MGAT4C: variants seen among roughly 807,000 people sequenced by gnomAD.
The protein encoded by MGAT4C is MGAT4 family member C, also known as alpha-1,3-mannosyl-glycoprotein 4-beta-N-acetylglucosaminyltransferase C.
MGAT4C carries 19 observed loss-of-function variants against 40.1 expected under a neutral mutation model. The observed-to-expected ratio is 0.47, with a 90% CI of 0.33 to 0.70. MGAT4C has a LOEUF of 0.70. MGAT4C is among the 30% of genes least tolerant of loss of function. The pLI is 0.02. For synonymous variants in MGAT4C, 181 were observed against 187.1 expected, an observed-to-expected ratio of 0.97 and a Z score of 0.27; for missense variants, 491 against 563.2, an observed-to-expected ratio of 0.87 and a Z score of 1.30.
intron 4 of MGAT4C, among the ~76,000 whole-genome samples, chr12:86,288,820 T>TG (rs1375789341): frequency 6.6e-6 from 1 of 151,986 alleles, no homozygotes. Context: ...AGACCTTTGT[T>TG]GGACGCACAG....
At chr12:86,763,282 T>C (rs762396130) in intron 1 of MGAT4C, among the ~76,000 whole-genome samples, 1 of 152,206 alleles carries the variant, frequency 6.6e-6, no homozygotes, top group Non-Finnish European at 1.5e-5. Context: ...CTAATTCATT[T>C]TGCCTTTACA....
At chr12:86,270,567 T>C (rs569161915) in intron 4 of MGAT4C, among the ~76,000 whole-genome samples, 1 of 152,358 alleles carries the variant, frequency 6.6e-6, no homozygotes, top group South Asian at 2.1e-4. Context: ...TTTTCAGGTT[T>C]CATCCATGTT....
At chr12:86,275,504 A>T (rs975746612) in intron 4 of MGAT4C, among the ~76,000 whole-genome samples, 1 of 152,170 alleles carries the variant, frequency 6.6e-6, no homozygotes, top group Non-Finnish European at 1.5e-5. Context: ...GGAACCTGGG[A>T]ATATGTTACC....
intron 2 of MGAT4C, among the ~76,000 whole-genome samples, chr12:86,616,370 C>T (rs1243639825): frequency 6.6e-6 from 1 of 152,080 alleles, no homozygotes; most frequent in African/African-American, 2.4e-5. Context: ...TTAAATCAAT[C>T]TTTTGTTAAA....
intron 3 of MGAT4C, among the ~76,000 whole-genome samples, chr12:86,368,770 TAAATTTATTA>T (rs78782386): frequency 0.084 from 12,842 of 152,100 alleles, 744 homozygotes; most frequent in Middle Eastern, 0.22. Flanking sequence ...TCAATATTCT[TAAATTTATTA>T]AAAGTTATTT....
At chr12:86,807,396 G>A (rs1309378355) in intron 1 of MGAT4C, among the ~76,000 whole-genome samples, 11 of 151,974 alleles carry the variant, frequency 7.2e-5, no homozygotes, top group African/African-American at 1.7e-4. Context: ...CTGTTCCTAC[G>A]TTGGTTTGCT....
chr12:86,833,126 C>T (rs888319394), intron 1 of MGAT4C, among the ~76,000 whole-genome samples: 6 of 151,658 alleles, frequency 4.0e-5, no homozygotes, highest in African/African-American at 1.2e-4. Flanking sequence ...TGCCATAAAA[C>T]GGAAGTTTAG....
intron 2 of MGAT4C, among the ~76,000 whole-genome samples, chr12:86,497,807 T>C (rs1459023216): frequency 6.6e-6 from 1 of 150,424 alleles, no homozygotes; most frequent in South Asian, 2.1e-4. Flanking sequence ...TCACCTTCAA[T>C]TGCTATAGCT....
intron 2 of MGAT4C, among the ~76,000 whole-genome samples, chr12:86,014,916 G>A (rs1888914404): frequency 6.6e-6 from 1 of 151,266 alleles, no homozygotes; most frequent in Non-Finnish European, 1.5e-5. Context: ...TGAGTAGCTG[G>A]GACTACTGGC....
At chr12:86,564,240 T>C (rs1959990168) in intron 2 of MGAT4C, among the ~76,000 whole-genome samples, 1 of 152,170 alleles carries the variant, frequency 6.6e-6, no homozygotes, top group South Asian at 2.1e-4. Context: ...GTAGTTTCAT[T>C]TTTGATCAAA....
At chr12:86,150,461 C>T (rs76177788) in intron 1 of MGAT4C, among the ~76,000 whole-genome samples, 365 of 152,282 alleles carry the variant, frequency 2.4e-3, no homozygotes, top group Non-Finnish European at 3.8e-3. Flanking sequence ...TACTCTTATG[C>T]CCACCAAAAA....
upstream of MGAT4C, among the ~76,000 whole-genome samples, chr12:86,260,510 C>T (rs2136095029): frequency 6.6e-6 from 1 of 152,176 alleles, no homozygotes; most frequent in Admixed American, 6.5e-5. Flanking sequence ...TACAATGTGC[C>T]AATTTCCTAA....
intron 1 of MGAT4C, among the ~76,000 whole-genome samples, chr12:86,055,696 G>GT (rs949979924): frequency 6.7e-4 from 101 of 149,828 alleles, no homozygotes; most frequent in Middle Eastern, 3.4e-3. Context: ...ACATATAAGG[G>GT]TTTTTTTTTT....
chr12:86,569,792 G>C (rs1022766985), intron 2 of MGAT4C, among the ~76,000 whole-genome samples: 4 of 152,114 alleles, frequency 2.6e-5, no homozygotes, highest in Non-Finnish European at 5.9e-5. Flanking sequence ...TAACTTACAT[G>C]ACTGGCAATC....
In MGAT4C at chr12:86,197,263, G is replaced by A. The variant is rs145245592; in HGVS notation, c.-57+58976C>T. On this transcript the variant is annotated intron_variant, in intron 1 of 4. Transcript: ENST00000611864. ...CAATATTCTGTTTAGGATAATATAA[G>A]TATTCTCTAAGATGAGACATTTTCT... 6.2e-3 allele frequency among the ~76,000 whole-genome samples: 943 copies of A among 152,226 alleles called. 4 individuals are homozygous for A. Among genetic ancestry groups the A allele is most frequent in the Middle Eastern group, 0.034 (10 of 294 alleles).
intron 1 of MGAT4C, among the ~76,000 whole-genome samples, chr12:86,193,928 C>T (rs1889800336): frequency 6.6e-6 from 1 of 151,968 alleles, no homozygotes; most frequent in Non-Finnish European, 1.5e-5. Context: ...GCTTTTGTTT[C>T]CTTCTTCTCT....
intron 4 of MGAT4C, among the ~76,000 whole-genome samples, chr12:86,290,710 A>G (rs1208300448): frequency 6.7e-6 from 1 of 149,264 alleles, no homozygotes; most frequent in African/African-American, 2.5e-5. Context: ...AAAGTTAAGG[A>G]AAGAAAAAAA....
chr12:86,217,716 CA>C (rs1256122343), intron 1 of MGAT4C, among the ~76,000 whole-genome samples: 6 of 151,942 alleles, frequency 3.9e-5, no homozygotes, highest in Non-Finnish European at 5.9e-5. Context: ...ACTCTATATG[CA>C]AATATGTAAG....
chr12:86,569,210 G>T (rs533142260), intron 2 of MGAT4C, among the ~76,000 whole-genome samples: 79 of 151,990 alleles, frequency 5.2e-4, no homozygotes, highest in Non-Finnish European at 9.4e-4. Flanking sequence ...GAAAACCTTT[G>T]CACAGCAAAA....
Sources: gnomAD v4.1 joint callset for allele counts (sites outside exome capture counted in the v4.1 genomes callset) on GRCh38, gnomAD v4.1.1 for gene constraint, MANE v1.5 for transcripts, NCBI Gene and HGNC (gene_info 2026-07-23, HGNC 2026-07-21) for gene names.